The following TCP11L2 variants were observed in gnomAD, a reference collection of about 807,000 sequenced individuals.
The protein encoded by TCP11L2 is T-complex protein 11-like protein 2.
TCP11L2 carries 39 observed loss-of-function variants against 50.7 expected under a neutral mutation model. The ratio of observed to expected loss-of-function variants is 0.77; its 90% CI spans 0.60 to 1.01. The LOEUF (loss-of-function observed/expected upper bound fraction) is 1.01, where lower values mean the gene tolerates loss of function less well. Among genes scored for constraint, TCP11L2 ranks in the 50% least tolerant of loss-of-function variants. The pLI is 0.00. For missense variants in TCP11L2, 612 were observed against 614.7 expected, an observed-to-expected ratio of 1.00 and a Z score of 0.05; for synonymous variants, 192 against 219.3, an observed-to-expected ratio of 0.88 and a Z score of 1.10.
At chr12:106,326,752 C>T (rs1169100901) in intron 6 of TCP11L2, among the ~76,000 whole-genome samples, 1 of 152,176 alleles carries the variant, frequency 6.6e-6, no homozygotes, top group African/African-American at 2.4e-5. Flanking sequence ...AACCCTGCCT[C>T]TCTTCAAACA....
chr12:106,335,155 A>G (rs1324731825), intron 6 of TCP11L2, among the ~76,000 whole-genome samples: 1 of 152,108 alleles, frequency 6.6e-6, no homozygotes, highest in Non-Finnish European at 1.5e-5. Flanking sequence ...ATTATACTCT[A>G]TTTTCTCTTC....
At chr12:106,329,436 GAGAAGAGC>G in intron 6 of TCP11L2, 1 of 1,534,938 alleles carries the variant, frequency 6.5e-7, no homozygotes, top group Non-Finnish European at 8.7e-7. Context: ...CGATCCCTAA[GAGAAGAGC>G]CAACGTTTCA....
At chr12:106,339,320 T>C (rs1483635266) in intron 8 of TCP11L2, among the ~76,000 whole-genome samples, 2 of 152,234 alleles carry the variant, frequency 1.3e-5, no homozygotes, top group Non-Finnish European at 2.9e-5. Flanking sequence ...GCCCATTTTT[T>C]AATGAGGTCG....
At chr12:106,327,194 C>T (rs1398549961) in intron 6 of TCP11L2, among the ~76,000 whole-genome samples, 1 of 150,766 alleles carries the variant, frequency 6.6e-6, no homozygotes. Context: ...CTTTTTTTTC[C>T]CCCCTGTTTG....
In TCP11L2 at chr12:106,311,029, T is replaced by C. The variant is rs1197435089; in HGVS notation, c.-35-12T>C. The C allele has an allele frequency of 3.8e-6, 6 of 1,599,590 alleles. No homozygotes were observed. Among genetic ancestry groups the C allele is most frequent in the Non-Finnish European group, 5.1e-6 (6 of 1,171,650 alleles). On this transcript the variant is annotated splice_polypyrimidine_tract_variant and intron_variant, in intron 1 of 9. Coordinates refer to ENST00000299045, the MANE Select transcript of TCP11L2 (RefSeq NM_152772.3). The stretch of plus-strand genomic sequence containing the variant: ...CACAGAACATTGACGCAGGGTCTGT[T>C]TGTCTGTGCAGGTGCTACCTTTTTA...
At chr12:106,329,379 C>G (rs1472490187) in intron 6 of TCP11L2, 8 of 1,535,952 alleles carry the variant, frequency 5.2e-6, no homozygotes, top group African/African-American at 1.4e-5. Flanking sequence ...GCTTTTGGAA[C>G]CAGAGAGAGC....
intron 6 of TCP11L2, chr12:106,330,048 C>T (rs372827357): frequency 3.0e-5 from 30 of 985,392 alleles, no homozygotes; most frequent in Middle Eastern, 5.2e-4. Flanking sequence ...GCAATTGTCA[C>T]CTTATAAATT....
Position 106,346,603 on chromosome 12 carries a change from T to C in TCP11L2, c.*73T>C. On this transcript the variant is annotated 3_prime_UTR_variant, in exon 10 of 10. Transcript: ENST00000299045. ...TCCAGTCCACTTCCATTGATGGCAT[T>C]AGAGATCCAGCACATTCTCAGTACT... 6.5e-7 allele frequency: 1 copy of C among 1,536,608 alleles called. No homozygotes were observed. Among genetic ancestry groups the C allele is most frequent in the South Asian group, 1.2e-5 (1 of 80,576 alleles).
chr12:106,346,225 GT>G (rs1270217324), intron 9 of TCP11L2, 60 bp from the exon 10 acceptor site: 1 of 1,517,170 alleles, frequency 6.6e-7, no homozygotes, highest in African/African-American at 1.4e-5. Flanking sequence ...ACTTGTTCTT[GT>G]TTTTAAAAAT....
chr12:106,317,516 A>G (rs558981165), intron 3 of TCP11L2, among the ~76,000 whole-genome samples: 35 of 152,348 alleles, frequency 2.3e-4, no homozygotes, highest in Non-Finnish European at 4.3e-4. Context: ...ACTCTGTCTC[A>G]GAAAAAAAGA....
At chr12:106,313,682 A>G (rs928725979) in intron 2 of TCP11L2, among the ~76,000 whole-genome samples, 2 of 151,694 alleles carry the variant, frequency 1.3e-5, no homozygotes, top group Non-Finnish European at 2.9e-5. Context: ...TGAATTACAG[A>G]ATAAAAATAA....
chr12:106,314,333 T>G (rs754358027), intron 2 of TCP11L2, 25 bp from the exon 3 acceptor site: 2 of 1,591,948 alleles, frequency 1.3e-6, no homozygotes, highest in South Asian at 1.1e-5. Flanking sequence ...TCTGCAACAT[T>G]AACTGGCTTT....
chr12:106,331,181 A>G (rs186426342), intron 6 of TCP11L2, among the ~76,000 whole-genome samples: 1 of 152,228 alleles, frequency 6.6e-6, no homozygotes, highest in Admixed American at 6.5e-5. Flanking sequence ...CTTGCCAAAT[A>G]CCAGGGATCA....
At chr12:106,334,655 T>A (rs543994625) in intron 6 of TCP11L2, among the ~76,000 whole-genome samples, 1 of 152,314 alleles carries the variant, frequency 6.6e-6, no homozygotes, top group East Asian at 1.9e-4. Context: ...GAAAATAATA[T>A]TATTCAGCCG....
intron 5 of TCP11L2, among the ~76,000 whole-genome samples, chr12:106,323,292 G>C (rs947898698): frequency 3.9e-5 from 6 of 152,062 alleles, no homozygotes; most frequent in Admixed American, 1.3e-4. Flanking sequence ...CATTAAGATT[G>C]TTTATGCTTC....
chr12:106,318,860 G>A (rs2035206869), intron 4 of TCP11L2, among the ~76,000 whole-genome samples: 1 of 151,768 alleles, frequency 6.6e-6, no homozygotes, highest in Admixed American at 6.6e-5. Context: ...ACAGGCTCAT[G>A]CCACCATGCC....
intron 4 of TCP11L2, 31 bp from the exon 5 acceptor site, chr12:106,321,455 A>T (rs1295534606): frequency 1.3e-6 from 2 of 1,554,028 alleles, no homozygotes; most frequent in African/African-American, 2.7e-5. Flanking sequence ...TCACATCATG[A>T]TGCTGTTAAT....
At chr12:106,341,065 TAA>T in intron 9 of TCP11L2, 67 bp downstream of exon 9, 1 of 1,355,946 alleles carries the variant, frequency 7.4e-7, no homozygotes, top group South Asian at 1.4e-5. Flanking sequence ...TGACTAACAT[TAA>T]GTCAGTCAAA....
chr12:106,330,450 G>C lies in TCP11L2; in HGVS notation c.773-5189G>C, dbSNP rs543152680. On this transcript the variant is annotated intron_variant, in intron 6 of 9. Transcript: ENST00000299045. ...CTGGCAGGGCAGGGCGGGAGGCTGA[G>C]GAAGGGCATCTAGTAGGTAGAGCTT... 52 of 283,936 alleles carry C rather than the reference G, an allele frequency of 1.8e-4. 2 individuals carry two copies. The South Asian group carries it at 6.7e-3, about 37-fold the overall frequency. The allele number at this position is 283,936 out of a possible 1,614,324, so 17.6% of individuals were successfully genotyped here. A position where few individuals can be genotyped will look rare whatever the true frequency, so the allele number is the denominator to read the frequency against.
Sources: allele counts gnomAD v4.1 joint callset (sites outside exome capture counted in the v4.1 genomes callset), GRCh38; gene constraint gnomAD v4.1.1; transcripts MANE v1.5; gene names NCBI Gene and HGNC (gene_info 2026-07-23, HGNC 2026-07-21).